Variants in TCF12 observed in about 807,000 individuals in gnomAD.
TCF12 encodes the protein transcription factor 12, also known as DNA-binding protein HTF4.
A neutral mutation model predicts 86.0 loss-of-function variants in TCF12; 45 were observed. The observed-to-expected ratio is 0.52, with a 90% CI of 0.41 to 0.67. The LOEUF is 0.67. Among genes scored for constraint, TCF12 ranks in the 30% least tolerant of loss-of-function variants. The pLI is 0.00. For missense variants in TCF12, 881 were observed against 859.9 expected, an observed-to-expected ratio of 1.02 and a Z score of -0.31; for synonymous variants, 330 against 299.6, an observed-to-expected ratio of 1.10 and a Z score of -1.05.
chr15:57,021,403 A>G (rs1862773782), intron 3 of TCF12, among the ~76,000 whole-genome samples: 1 of 152,218 alleles, frequency 6.6e-6, no homozygotes, highest in African/African-American at 2.4e-5. Context: ...CTGTAATCCC[A>G]GCACTTTGGG....
In TCF12 at chr15:57,276,081, A is replaced by G. The variant is rs1218087202; in HGVS notation, c.1978+2819A>G. On this transcript the variant is annotated intron_variant, in intron 19 of 20. Transcript: ENST00000333725. ...GTTACTCAAGACTCAGTGGTTAAACATTTCCTCCTCTCAAGCTCTTTCACA... is the reference window on the plus strand; with the variant it reads ...GTTACTCAAGACTCAGTGGTTAAACGTTTCCTCCTCTCAAGCTCTTTCACA... 2.0e-5 allele frequency among the ~76,000 whole-genome samples: 3 copies of G among 152,210 alleles called. No homozygotes were observed. The East Asian group carries it at 5.8e-4, about 29-fold the overall frequency.
chr15:56,918,274 A>C (rs1333992198), upstream of TCF12: 1 of 456,146 alleles, frequency 2.2e-6, no homozygotes, highest in Non-Finnish European at 4.4e-6. Flanking sequence ...TGGGCAGCGG[A>C]TCCAGATGCT....
At chr15:57,104,013 C>G (rs1291901876) in intron 5 of TCF12, among the ~76,000 whole-genome samples, 1 of 151,848 alleles carries the variant, frequency 6.6e-6, no homozygotes, top group Non-Finnish European at 1.5e-5. Flanking sequence ...GTCTCAAAAA[C>G]AAACAAACAA....
intron 3 of TCF12, among the ~76,000 whole-genome samples, chr15:57,055,407 T>A (rs1359041151): frequency 2.6e-5 from 4 of 152,082 alleles, no homozygotes; most frequent in African/African-American, 4.8e-5. Flanking sequence ...TCTCAAAAAA[T>A]AATAATAATA....
chr15:57,266,435 T>A (rs1324766972), intron 18 of TCF12, among the ~76,000 whole-genome samples: 3 of 152,186 alleles, frequency 2.0e-5, no homozygotes, highest in African/African-American at 7.2e-5. Context: ...TTATCCATTG[T>A]CTGTGGTTGT....
intron 7 of TCF12, among the ~76,000 whole-genome samples, chr15:57,195,001 C>G (rs1362761129): frequency 6.6e-6 from 1 of 152,194 alleles, no homozygotes; most frequent in African/African-American, 2.4e-5. Context: ...CTCCCGGGCT[C>G]AAGCGAGTCT....
At chr15:57,139,583 G>C (rs1167443582) in intron 5 of TCF12, among the ~76,000 whole-genome samples, 1 of 151,768 alleles carries the variant, frequency 6.6e-6, no homozygotes, top group Non-Finnish European at 1.5e-5. Context: ...AACCACCAGG[G>C]AGATCTTCCA....
intron 6 of TCF12, among the ~76,000 whole-genome samples, chr15:57,168,832 G>A (rs1292140865): frequency 1.3e-5 from 2 of 152,106 alleles, no homozygotes; most frequent in African/African-American, 4.8e-5. Flanking sequence ...GATTGCCTGA[G>A]GTCAGGAGTT....
chr15:56,948,195 C>T (rs1481440042), intron 3 of TCF12, among the ~76,000 whole-genome samples: 10 of 151,862 alleles, frequency 6.6e-5, no homozygotes, highest in African/African-American at 1.5e-4. Flanking sequence ...GATCATGGCT[C>T]ACTGCAGCCT....
At chr15:57,079,513 T>G (rs1310030635) in intron 4 of TCF12, among the ~76,000 whole-genome samples, 2 of 152,196 alleles carry the variant, frequency 1.3e-5, no homozygotes, top group Non-Finnish European at 2.9e-5. Context: ...CTTTCATTTT[T>G]TATAAATTCA....
chr15:57,050,767 A>T (rs2067558965), intron 3 of TCF12, among the ~76,000 whole-genome samples: 1 of 152,140 alleles, frequency 6.6e-6, no homozygotes, highest in Non-Finnish European at 1.5e-5. Flanking sequence ...AGTTTTACTT[A>T]CCATTTCTTC....
chr15:56,955,932 C>G (rs554490785), intron 3 of TCF12, among the ~76,000 whole-genome samples: 1 of 152,214 alleles, frequency 6.6e-6, no homozygotes, highest in East Asian at 1.9e-4. Flanking sequence ...TGCATTAATG[C>G]TTAGTAGTAT....
chr15:57,180,831 T>TC (rs1292759092), intron 6 of TCF12, among the ~76,000 whole-genome samples: 1 of 108,006 alleles, frequency 9.3e-6, no homozygotes, highest in Admixed American at 9.5e-5. Context: ...TTTTTTTTTT[T>TC]TGAGATGGAG....
chr15:57,247,098 C>A, intron 13 of TCF12: 1 of 574,510 alleles, frequency 1.7e-6, no homozygotes, highest in East Asian at 4.0e-5. Flanking sequence ...ATTATAGTTC[C>A]CACCACCACC....
intron 5 of TCF12, among the ~76,000 whole-genome samples, chr15:57,138,513 C>T (rs916963550): frequency 3.3e-5 from 5 of 150,608 alleles, no homozygotes; most frequent in African/African-American, 1.2e-4. Flanking sequence ...CAGACAAGTA[C>T]TTCACAGATA....
At chr15:57,127,086 A>T (rs1294563616) in intron 5 of TCF12, among the ~76,000 whole-genome samples, 1 of 151,370 alleles carries the variant, frequency 6.6e-6, no homozygotes, top group Non-Finnish European at 1.5e-5. Context: ...GGATTCAAGA[A>T]ATTCTCCTCC....
Position 57,192,245 on chromosome 15 carries a change from TCTG to T in TCF12, c.481_483del (p.Ala161del), listed in dbSNP as rs2057019142. 4 of 1,614,070 alleles carry T rather than the reference TCTG, an allele frequency of 2.5e-6. No homozygotes were observed. Among genetic ancestry groups the T allele is most frequent in the Non-Finnish European group, 3.4e-6 (4 of 1,180,024 alleles). On this transcript the variant is annotated inframe_deletion, in exon 7 of 21. Coordinates refer to ENST00000333725, the MANE Select transcript of TCF12 (RefSeq NM_207037.2). ...ACCTGGGACAGCATACTATTCATTC[TCTG>T]CTACAAGTTCCAGGAGGAGACCACT...
intron 13 of TCF12, among the ~76,000 whole-genome samples, chr15:57,250,201 T>G (rs1329115780): frequency 6.6e-6 from 1 of 152,238 alleles, no homozygotes. Context: ...CATGGGAAAT[T>G]CATTCATCTG....
chr15:57,148,481 A>G (rs1417360103), intron 5 of TCF12, among the ~76,000 whole-genome samples: 1 of 151,948 alleles, frequency 6.6e-6, no homozygotes, highest in Non-Finnish European at 1.5e-5. Context: ...ATTCATACAG[A>G]GGGGCTAACA....
Sources: allele counts gnomAD v4.1 joint callset (sites outside exome capture counted in the v4.1 genomes callset), GRCh38; gene constraint gnomAD v4.1.1; transcripts MANE v1.5; gene names NCBI Gene and HGNC (gene_info 2026-07-23, HGNC 2026-07-21).